PPP1R16A: variants seen among roughly 807,000 people sequenced by gnomAD.
PPP1R16A encodes myosin phosphatase-targeting subunit 3.
In PPP1R16A, 39 loss-of-function variants were observed where a neutral mutation model predicts 46.6. The observed-to-expected ratio is 0.84, with a 90% CI of 0.65 to 1.09. The LOEUF is 1.09. Ranked by LOEUF, PPP1R16A falls within the 50% of genes least tolerant of loss-of-function variation. The pLI is 0.00. For missense variants in PPP1R16A, 798 were observed against 735.6 expected (o/e 1.08, Z -0.98); for synonymous variants, 413 against 321.5 (o/e 1.28, Z -3.04).
chr8:144,487,875 T>C (rs1825674470), intron 1 of PPP1R16A, among the ~76,000 whole-genome samples: 1 of 152,240 alleles, frequency 6.6e-6, no homozygotes, highest in South Asian at 2.1e-4. Flanking sequence ...AGTCTCACAC[T>C]GTTGGGGTTT....
Position 144,501,561 on chromosome 8 carries a change from A to C in PPP1R16A, c.1245A>C (p.Val415=). Residue 415 remains valine, a synonymous_variant, in exon 12 of 12, where the codon GTA becomes GTC. Coordinates refer to ENST00000435887, the MANE Select transcript of PPP1R16A (RefSeq NM_001329443.2). The part of the protein sequence containing the change: ...PEVVRPHNGR[V]GGSPVRHLYS... ...TGGTCAGGCCGCACAATGGCCGAGT[A>C]GGGGGCTCCCCAGTGCGGCATCTAT... The C allele has an allele frequency of 6.3e-7, 1 of 1,590,742 alleles. No individual in the cohort carries two copies.
At chr8:144,485,336 G>A (rs566093512) in intron 1 of PPP1R16A, among the ~76,000 whole-genome samples, 16 of 149,874 alleles carry the variant, frequency 1.1e-4, no homozygotes, top group African/African-American at 2.5e-4. Context: ...TAGCCTGGCC[G>A]ACATGGTGAA....
intron 5 of PPP1R16A, chr8:144,499,284 C>T (rs1036087822): frequency 5.0e-6 from 3 of 598,172 alleles, no homozygotes; most frequent in African/African-American, 3.7e-5. Context: ...ATTCGTCCTC[C>T]TGCCGAGAGG....
In PPP1R16A at chr8:144,501,601, G is replaced by T; in HGVS notation, c.1285G>T (p.Asp429Tyr). The T allele has an allele frequency of 6.8e-6, 11 of 1,608,332 alleles. No homozygotes were observed. The highest frequency in any genetic ancestry group is 8.5e-6 in the Non-Finnish European group (10 of 1,177,946). ...GCGGCATCTATACTCCAAGCGACTA[G>T]ACCGGAGTGTCTCCTACCAGCTGAG... ...PVRHLYSKRL[D>Y]RSVSYQLSPL... The change falls in exon 12 of 12, where the codon GAC becomes TAC. Residue 429 changes from aspartate to tyrosine, a missense_variant. Asp to Tyr is a radical substitution (Grantham distance 160). Coordinates refer to ENST00000435887, the MANE Select transcript of PPP1R16A (RefSeq NM_001329443.2).
At chr8:144,481,826 G>A (rs936675223) in intron 1 of PPP1R16A, among the ~76,000 whole-genome samples, 1 of 151,996 alleles carries the variant, frequency 6.6e-6, no homozygotes, top group Non-Finnish European at 1.5e-5. Context: ...TGCCCAGGCG[G>A]GAGTGCAGTG....
chr8:144,482,204 C>T (rs879597958), intron 1 of PPP1R16A, among the ~76,000 whole-genome samples: 14 of 151,932 alleles, frequency 9.2e-5, no homozygotes, highest in Non-Finnish European at 1.6e-4. Flanking sequence ...TCCCAAGTAG[C>T]TGGGACTGTA....
chr8:144,501,651 C>A lies in PPP1R16A; in HGVS notation c.1335C>A (p.His445Gln). The change falls in exon 12 of 12, where the codon CAC (histidine) becomes CAA (glutamine). Residue 445 changes from histidine (H) to glutamine (Q), a missense_variant. His to Gln is a conservative substitution (Grantham distance 24). Coordinates refer to ENST00000435887, the MANE Select transcript of PPP1R16A (RefSeq NM_001329443.2). ...GCCCCCTGGACAGCACCACCCCCCA[C>A]ACCCTGGTCCACGACAAGGCCCACC... The part of the protein sequence containing the change: ...QLSPLDSTTP[H>Q]TLVHDKAHHT... 1 of 1,610,820 alleles carries A rather than the reference C, an allele frequency of 6.2e-7. No homozygotes were observed.
rs1219419569 is a variant in PPP1R16A, at chr8:144,502,001, C to T, written c.*98C>T. The stretch of plus-strand genomic sequence containing the variant: ...GTGCTGCGGGTGCAGCACGGAAACC[C>T]CGGCTTCTACTGTACAGGACACTGG... On this transcript the variant is annotated 3_prime_UTR_variant, in exon 12 of 12. Transcript: ENST00000435887. 7.1e-6 allele frequency: 9 copies of T among 1,261,942 alleles called. No individual in the cohort carries two copies. In the African/African-American group the frequency reaches 7.6e-5, roughly 11 times the overall value. The allele number at this position is 1,261,942 out of a possible 1,614,324, so 78.2% of individuals were successfully genotyped here.
In PPP1R16A at chr8:144,493,243, G is replaced by A. The variant is rs1825891803; in HGVS notation, c.-735+3031G>A. ...GTCCCACACTCAGGCAGCTGGCCTG[G>A]GCTTTGAGGAGTGGAATGAACCCAC... is the stretch of plus-strand genomic sequence containing the variant. On this transcript the variant is annotated intron_variant, in intron 2 of 11. Transcript: ENST00000435887. The surrounding 1 kb of genome is among the most constrained non-coding windows in gnomAD (Gnocchi z 4.3). Among the ~76,000 whole-genome samples, 2 of 152,162 alleles carry A rather than the reference G, an allele frequency of 1.3e-5. No individual in the cohort carries two copies. The highest frequency in any genetic ancestry group is 2.9e-5 in the Non-Finnish European group (2 of 67,988).
chr8:144,501,976 G>C lies in PPP1R16A; in HGVS notation c.*73G>C. On this transcript the variant is annotated 3_prime_UTR_variant, in exon 12 of 12. Coordinates refer to ENST00000435887, the MANE Select transcript of PPP1R16A (RefSeq NM_001329443.2). Reference sequence around the variant, plus strand: ...CTGCCTCCCCACGGTGCGTGCCCTGGTGCTGCGGGTGCAGCACGGAAACCC... The same window carrying C: ...CTGCCTCCCCACGGTGCGTGCCCTGCTGCTGCGGGTGCAGCACGGAAACCC... The C allele has an allele frequency of 7.1e-7, 1 of 1,410,586 alleles. No homozygotes were observed. The highest frequency in any genetic ancestry group is 1.5e-5 in the South Asian group (1 of 67,856). The allele number at this position is 1,410,586 out of a possible 1,614,324, so 87.4% of individuals were successfully genotyped here.
At position 144,501,909 on chromosome 8, in the gene PPP1R16A, T is replaced by C; in HGVS notation, c.*6T>C. On this transcript the variant is annotated 3_prime_UTR_variant, in exon 12 of 12. Coordinates refer to ENST00000435887, the MANE Select transcript of PPP1R16A (RefSeq NM_001329443.2). ...CGTGCTGCCTGCTCATGTGAGGCTG[T>C]TGCTCAGCATGCAGGGGCCCTGTCG... 1 of 1,512,972 alleles carries C rather than the reference T, an allele frequency of 6.6e-7. No individual in the cohort carries two copies. The highest frequency in any genetic ancestry group is 8.8e-7 in the Non-Finnish European group (1 of 1,130,372). 93.7% of individuals were successfully genotyped at this position (1,512,972 alleles called of 1,614,324 possible).
Position 144,497,417 on chromosome 8 carries a change from C to CT in PPP1R16A, c.225dup (p.Leu76SerfsTer8). ...GGTCCTCTTCCCTCCCAGTGTTGTCCTTCTGGAGGCCGCTGCCCGAAATGA... is the reference window on the plus strand; with the variant it reads ...GGTCCTCTTCCCTCCCAGTGTTGTCCTTTCTGGAGGCCGCTGCCCGAAATGA... On this transcript the variant is annotated frameshift_variant, in exon 3 of 12. Coordinates refer to ENST00000435887, the MANE Select transcript of PPP1R16A (RefSeq NM_001329443.2). LOFTEE classifies it high-confidence loss of function. 1 of 1,613,054 alleles carries CT rather than the reference C, an allele frequency of 6.2e-7. No individual in the cohort carries two copies. The highest frequency in any genetic ancestry group is 8.5e-7 in the Non-Finnish European group (1 of 1,180,014).
At chr8:144,483,452 C>T (rs1365395889) in intron 1 of PPP1R16A, among the ~76,000 whole-genome samples, 1 of 152,258 alleles carries the variant, frequency 6.6e-6, no homozygotes, top group Non-Finnish European at 1.5e-5. Flanking sequence ...CTCTGTCGCC[C>T]AGGCTGGAGT....
At position 144,501,282 on chromosome 8, in the gene PPP1R16A, G is replaced by A. The variant is rs1038366574; in HGVS notation, c.1191G>A (p.Pro397=). Reference sequence around the variant, plus strand: ...GCCAGACAGGCGCAGAGCTCAGGCCGCCGCCCCCGGAGGTGAGCGCCCCGT... The same window carrying A: ...GCCAGACAGGCGCAGAGCTCAGGCCACCGCCCCCGGAGGTGAGCGCCCCGT... The part of the protein sequence containing the change: ...DDRQTGAELR[P]PPPEEDNPEV... Residue 397 remains proline (P), a synonymous_variant, in exon 11 of 12, where the codon CCG becomes CCA. Coordinates refer to ENST00000435887, the MANE Select transcript of PPP1R16A (RefSeq NM_001329443.2). 4 of 1,588,274 alleles carry A rather than the reference G, an allele frequency of 2.5e-6. No homozygotes were observed. The highest frequency in any genetic ancestry group is 4.6e-5 in the East Asian group (2 of 43,902).
chr8:144,497,094 G>T lies in PPP1R16A; in HGVS notation c.-101G>T. ...GCTCTGGGAAGGGGATGCCCCCGAG[G>T]GTGCCAGTCCAGCTAGCTGCCCCAC... On this transcript the variant is annotated 5_prime_UTR_variant, in exon 3 of 12. Coordinates refer to ENST00000435887, the MANE Select transcript of PPP1R16A (RefSeq NM_001329443.2). The T allele has an allele frequency of 6.8e-7, 1 of 1,468,596 alleles. No individual in the cohort carries two copies. Among genetic ancestry groups the T allele is most frequent in the Non-Finnish European group, 9.2e-7 (1 of 1,090,066 alleles). 91.0% of individuals were successfully genotyped at this position (1,468,596 alleles called of 1,614,324 possible). A position where few individuals can be genotyped will look rare whatever the true frequency, so the allele number is the denominator to read the frequency against.
chr8:144,480,596 C>T (rs1368690551), intron 1 of PPP1R16A, among the ~76,000 whole-genome samples: 3 of 152,070 alleles, frequency 2.0e-5, no homozygotes, highest in Admixed American at 1.3e-4. Flanking sequence ...AAGTGATTCT[C>T]CTGCCTCAGC....
chr8:144,499,323 GCA>G, intron 5 of PPP1R16A: 1 of 527,298 alleles, frequency 1.9e-6, no homozygotes, highest in Non-Finnish European at 3.3e-6. Context: ...CCCAGAGTGT[GCA>G]CAGAGAAATG....
chr8:144,484,939 G>A (rs1462176560), intron 1 of PPP1R16A, among the ~76,000 whole-genome samples: 1 of 152,186 alleles, frequency 6.6e-6, no homozygotes, highest in Non-Finnish European at 1.5e-5. Context: ...GCTGCTGGGT[G>A]TTATGCAGGG....
chr8:144,498,427 C>CT, intron 3 of PPP1R16A: 1 of 359,748 alleles, frequency 2.8e-6, no homozygotes, highest in Non-Finnish European at 5.3e-6. Flanking sequence ...GCCGAAGGAG[C>CT]TGTGGTAGCC....
Sources: gnomAD v4.1 joint callset for allele counts (sites outside exome capture counted in the v4.1 genomes callset) on GRCh38, gnomAD v4.1.1 for gene constraint, Gnocchi (gnomAD v3.1) non-coding constraint, MANE v1.5 for transcripts, NCBI Gene and HGNC (gene_info 2026-07-23, HGNC 2026-07-21) for gene names.